Variants in SGTA observed in about 807,000 individuals in gnomAD.
SGTA encodes small glutamine-rich tetratricopeptide repeat-containing protein alpha.
In SGTA, 22 loss-of-function variants were observed where a neutral mutation model predicts 44.3. The observed-to-expected ratio is 0.50, with a 90% CI of 0.36 to 0.71. The LOEUF is 0.71. Ranked by LOEUF, SGTA falls within the 30% of genes least tolerant of loss-of-function variation. The pLI is 0.00. For missense variants in SGTA, 341 were observed against 435.9 expected (o/e 0.78, Z 1.94); for synonymous variants, 174 against 177.6 (o/e 0.98, Z 0.16).
At position 2,765,404 on chromosome 19, in the gene SGTA, C is replaced by G; in HGVS notation, c.293-119G>C. On this transcript the variant is annotated intron_variant, in intron 4 of 11. Coordinates refer to ENST00000221566, the MANE Select transcript of SGTA (RefSeq NM_003021.4). This position sits in a 1 kb window ranked among gnomAD's most constrained non-coding sequence, Gnocchi z 5.5. ...ACCCGAGGGGGCGTCACACTTGGCT[C>G]TTCTGGGCAGCCAGGACTCAACACA... 5.6e-6 allele frequency: 4 copies of G among 717,420 alleles called. No individual in the cohort carries two copies. The highest frequency in any genetic ancestry group is 9.6e-6 in the Non-Finnish European group (4 of 417,182). 44.4% of individuals were successfully genotyped at this position (717,420 alleles called of 1,614,324 possible). A position where few individuals can be genotyped will look rare whatever the true frequency, so the allele number is the denominator to read the frequency against.
At chr19:2,780,881 T>C (rs1290844401) in intron 1 of SGTA, among the ~76,000 whole-genome samples, 1 of 152,190 alleles carries the variant, frequency 6.6e-6, no homozygotes, top group Non-Finnish European at 1.5e-5. Flanking sequence ...ACCCAGGAGT[T>C]TGAGACCAGC....
At chr19:2,770,069 C>T (rs1404326224) in intron 1 of SGTA, 10 of 132,636 alleles carry the variant, frequency 7.5e-5, no homozygotes, top group South Asian at 5.1e-4. Context: ...GGTTCCCCCC[C>T]GGATACCCTC....
rs1345257841 is a variant in SGTA, at chr19:2,755,527, A to G, written c.*413T>C. The stretch of plus-strand genomic sequence containing the variant: ...TTCTCACAGACGGGAGAGTTCCTGC[A>G]GACAGACCACGGGATGGGGGGCGGG... On this transcript the variant is annotated 3_prime_UTR_variant, in exon 12 of 12. Coordinates refer to ENST00000221566, the MANE Select transcript of SGTA (RefSeq NM_003021.4). This position sits in a 1 kb window ranked among gnomAD's most constrained non-coding sequence, Gnocchi z 5.2. The G allele has an allele frequency of 1.0e-6, 1 of 986,566 alleles. No individual in the cohort carries two copies. Among genetic ancestry groups the G allele is most frequent in the Non-Finnish European group, 1.2e-6 (1 of 830,120 alleles). 61.1% of individuals were successfully genotyped at this position (986,566 alleles called of 1,614,324 possible).
chr19:2,775,382 G>A (rs1915422472), intron 1 of SGTA, among the ~76,000 whole-genome samples: 1 of 152,328 alleles, frequency 6.6e-6, no homozygotes, highest in Admixed American at 6.5e-5. Flanking sequence ...GACAAGCAAG[G>A]CATTGGCCCG....
chr19:2,767,623 G>A lies in SGTA; in HGVS notation c.164C>T (p.Pro55Leu), dbSNP rs758521410. Residue 55 changes from proline (P) to leucine (L), a missense_variant, in exon 3 of 12, where the codon CCT becomes CTT. Pro to Leu is a moderately conservative substitution (Grantham distance 98). Transcript: ENST00000221566. The surrounding 1 kb of genome is among the most constrained non-coding windows in gnomAD (Gnocchi z 7.3). ...VTVEDSDLAL[P>L]QTLPEIFEAA... ...TTCAAATATCTCCGGCAGAGTCTGA[G>A]GGAGCGCAAGGTCACTGTCTTCTAC... is the stretch of plus-strand genomic sequence containing the variant. 8 of 1,613,692 alleles carry A rather than the reference G, an allele frequency of 5.0e-6. No individual in the cohort carries two copies. The South Asian group carries it at 7.7e-5, about 16-fold the overall frequency.
intron 1 of SGTA, among the ~76,000 whole-genome samples, chr19:2,776,063 C>T (rs1484504514): frequency 6.6e-6 from 1 of 152,150 alleles, no homozygotes; most frequent in Non-Finnish European, 1.5e-5. Flanking sequence ...ATGTACGACA[C>T]ATCAGGGCCC....
chr19:2,759,158 G>A (rs1914913037), intron 9 of SGTA, 99 bp downstream of exon 9: 1 of 1,078,324 alleles, frequency 9.3e-7, no homozygotes. Flanking sequence ...CCATTAAGTT[G>A]CACACTTTAA....
In SGTA at chr19:2,761,780, G is replaced by A. The variant is rs546338062; in HGVS notation, c.637-258C>T. ...GTCTATCATCCCGTGTTTATTCCCC[G>A]CACAGCGCGACCGCCCGGGGACGGC... On this transcript the variant is annotated intron_variant, in intron 7 of 11. Transcript: ENST00000221566. The surrounding 1 kb of genome is among the most constrained non-coding windows in gnomAD (Gnocchi z 5.7). Among the ~76,000 whole-genome samples the A allele has an allele frequency of 4.8e-5, 7 of 147,326 alleles. No individual in the cohort carries two copies. Among genetic ancestry groups the A allele is most frequent in the Admixed American group, 2.7e-4 (4 of 14,924 alleles).
intron 1 of SGTA, among the ~76,000 whole-genome samples, chr19:2,779,050 C>CA: frequency 1.3e-5 from 2 of 152,298 alleles, no homozygotes; most frequent in Admixed American, 1.3e-4. Flanking sequence ...TGGCTCCCCC[C>CA]ACTGCACACC....
chr19:2,769,414 C>A (rs1915237922), intron 1 of SGTA, among the ~76,000 whole-genome samples: 1 of 152,194 alleles, frequency 6.6e-6, no homozygotes, highest in African/African-American at 2.4e-5. Context: ...CCCTCCGCCC[C>A]TGCTTCTGGC....
At chr19:2,760,902 G>A (rs748578801) in intron 8 of SGTA, among the ~76,000 whole-genome samples, 3 of 152,196 alleles carry the variant, frequency 2.0e-5, no homozygotes, top group Non-Finnish European at 4.4e-5. Flanking sequence ...AGGGCACACA[G>A]ACCTCCCAGG....
At position 2,767,804 on chromosome 19, in the gene SGTA, C is replaced by G. The variant is rs1391176763; in HGVS notation, c.101-118G>C. The stretch of plus-strand genomic sequence containing the variant: ...CCAGGTGTGTTCATTCCCAAGGACC[C>G]CAGAACGCAGGGGCCGCCGCCTGTG... On this transcript the variant is annotated intron_variant, in intron 2 of 11. Coordinates refer to ENST00000221566, the MANE Select transcript of SGTA (RefSeq NM_003021.4). This position sits in a 1 kb window ranked among gnomAD's most constrained non-coding sequence, Gnocchi z 7.3. 1 of 763,366 alleles carries G rather than the reference C, an allele frequency of 1.3e-6. No homozygotes were observed. Among genetic ancestry groups the G allele is most frequent in the Non-Finnish European group, 2.3e-6 (1 of 440,456 alleles). The allele number at this position is 763,366 out of a possible 1,614,324, so 47.3% of individuals were successfully genotyped here.
rs375160809 is a variant in SGTA, at chr19:2,767,811, G to A, written c.101-125C>T. 4 of 714,906 alleles carry A rather than the reference G, an allele frequency of 5.6e-6. No homozygotes were observed. The highest frequency in any genetic ancestry group is 1.6e-5 in the South Asian group (1 of 63,352). The allele number at this position is 714,906 out of a possible 1,614,324, so 44.3% of individuals were successfully genotyped here. A position where few individuals can be genotyped will look rare whatever the true frequency, so the allele number is the denominator to read the frequency against. ...TGTTCATTCCCAAGGACCCCAGAACGCAGGGGCCGCCGCCTGTGCTCTGGG... is the reference window on the plus strand; with the variant it reads ...TGTTCATTCCCAAGGACCCCAGAACACAGGGGCCGCCGCCTGTGCTCTGGG... On this transcript the variant is annotated intron_variant, in intron 2 of 11. Coordinates refer to ENST00000221566, the MANE Select transcript of SGTA (RefSeq NM_003021.4). The surrounding 1 kb of genome is among the most constrained non-coding windows in gnomAD (Gnocchi z 7.3).
chr19:2,759,613 T>A, intron 8 of SGTA: 1 of 364,706 alleles, frequency 2.7e-6, no homozygotes, highest in Non-Finnish European at 5.1e-6. Context: ...TTAGCTGCTG[T>A]CTGCTTTAGC....
In SGTA at chr19:2,760,006, G is replaced by A. The variant is rs142878444; in HGVS notation, c.700-712C>T. On this transcript the variant is annotated intron_variant, in intron 8 of 11. Coordinates refer to ENST00000221566, the MANE Select transcript of SGTA (RefSeq NM_003021.4). ...AAATAAATAAATAGCACTATACTGG[G>A]CACTTTCTCATGTTAACTTTCCACT... is the stretch of plus-strand genomic sequence containing the variant. 4.3e-3 allele frequency among the ~76,000 whole-genome samples: 658 copies of A among 152,104 alleles called. 9 individuals carry two copies. Among genetic ancestry groups the A allele is most frequent in the African/African-American group, 0.013 (534 of 41,500 alleles).
At chr19:2,756,958 C>A (rs950680391) in intron 11 of SGTA, among the ~76,000 whole-genome samples, 4 of 152,344 alleles carry the variant, frequency 2.6e-5, no homozygotes, top group Middle Eastern at 3.4e-3. Context: ...CCCCCACCCC[C>A]GAGGTGGCAG....
chr19:2,766,076 C>T (rs759143281), intron 4 of SGTA, among the ~76,000 whole-genome samples: 47 of 152,220 alleles, frequency 3.1e-4, no homozygotes, highest in African/African-American at 1.1e-3. Flanking sequence ...ATTAGCCGGG[C>T]GTGGTGGTAG....
chr19:2,766,731 C>T (rs1915152105), intron 4 of SGTA, among the ~76,000 whole-genome samples: 3 of 152,072 alleles, frequency 2.0e-5, no homozygotes, highest in Admixed American at 6.6e-5. Flanking sequence ...CCACCGCGCC[C>T]GGCCTCTTCT....
At chr19:2,775,219 C>T (rs768465398) in intron 1 of SGTA, among the ~76,000 whole-genome samples, 12 of 152,238 alleles carry the variant, frequency 7.9e-5, no homozygotes, top group Non-Finnish European at 1.6e-4. Context: ...GCAGGATCCG[C>T]GCCCGGCAGG....
Sources: gnomAD v4.1 joint callset for allele counts (sites outside exome capture counted in the v4.1 genomes callset) on GRCh38, gnomAD v4.1.1 for gene constraint, Gnocchi (gnomAD v3.1) non-coding constraint, MANE v1.5 for transcripts, NCBI Gene and HGNC (gene_info 2026-07-23, HGNC 2026-07-21) for gene names.